The following FGF14 variants were observed in gnomAD, a reference collection of about 807,000 sequenced individuals.
FGF14 encodes the protein fibroblast growth factor homologous factor 4.
In FGF14, 5 loss-of-function variants were observed where a neutral mutation model predicts 25.5. The ratio of observed to expected loss-of-function variants is 0.20; its 90% CI spans 0.10 to 0.41. The LOEUF (loss-of-function observed/expected upper bound fraction) is 0.41. FGF14 is among the 10% of genes least tolerant of loss of function. The pLI is 1.00. For missense variants in FGF14, 222 were observed against 320.1 expected (o/e 0.69, Z 2.34); for synonymous variants, 138 against 118.3 (o/e 1.17, Z -1.08).
chr13:102,046,634 G>T (rs1213302814), intron 1 of FGF14, among the ~76,000 whole-genome samples: 1 of 152,122 alleles, frequency 6.6e-6, no homozygotes, highest in East Asian at 1.9e-4. Flanking sequence ...TTAACAAATT[G>T]TGAGTGCTGA....
At chr13:101,969,861 T>C (rs895522090) in intron 1 of FGF14, among the ~76,000 whole-genome samples, 4 of 152,200 alleles carry the variant, frequency 2.6e-5, no homozygotes, top group African/African-American at 4.8e-5. Context: ...AAACACCCCA[T>C]ATCTTGACAA....
chr13:101,759,425 G>A (rs894226503), intron 3 of FGF14, among the ~76,000 whole-genome samples: 4 of 152,206 alleles, frequency 2.6e-5, no homozygotes, highest in African/African-American at 9.6e-5. Context: ...GGTGGGGCCA[G>A]TGGTGCAGCC....
chr13:101,785,159 A>G (rs2039734171), intron 3 of FGF14, among the ~76,000 whole-genome samples: 1 of 152,182 alleles, frequency 6.6e-6, no homozygotes, highest in African/African-American at 2.4e-5. Context: ...TAATGCATAC[A>G]TGGATGTGAC....
intron 3 of FGF14, among the ~76,000 whole-genome samples, chr13:101,768,057 A>G (rs1457268087): frequency 6.6e-6 from 1 of 152,100 alleles, no homozygotes; most frequent in Non-Finnish European, 1.5e-5. Flanking sequence ...ATAAAAGCAA[A>G]ACATAAAAAT....
chr13:102,029,576 C>T (rs760515024), intron 1 of FGF14, among the ~76,000 whole-genome samples: 1 of 152,034 alleles, frequency 6.6e-6, no homozygotes, highest in Non-Finnish European at 1.5e-5. Flanking sequence ...ATCTCTACTG[C>T]CCATTACAGC....
intron 1 of FGF14, among the ~76,000 whole-genome samples, chr13:102,117,120 T>TG (rs2045508725): frequency 6.6e-6 from 1 of 152,216 alleles, no homozygotes; most frequent in East Asian, 1.9e-4. Flanking sequence ...GAGCTTCTTG[T>TG]CTGCTTTTCT....
At chr13:102,232,716 G>C (rs577196420) in intron 1 of FGF14, among the ~76,000 whole-genome samples, 12 of 152,246 alleles carry the variant, frequency 7.9e-5, no homozygotes, top group African/African-American at 2.9e-4. Flanking sequence ...GATGTAAATC[G>C]TTGTAGACTT....
At chr13:102,068,490 G>C (rs2042998412) in intron 1 of FGF14, among the ~76,000 whole-genome samples, 1 of 152,198 alleles carries the variant, frequency 6.6e-6, no homozygotes, top group Non-Finnish European at 1.5e-5. Context: ...GCGCGAGCGG[G>C]AACCAGGGCT....
At chr13:102,126,091 CA>C (rs958284846) in intron 1 of FGF14, among the ~76,000 whole-genome samples, 4 of 152,242 alleles carry the variant, frequency 2.6e-5, no homozygotes, top group African/African-American at 7.2e-5. Context: ...TCATCCCAAC[CA>C]TTATAAAGTA....
rs148483372 is a variant in FGF14 at position 102,016,012 on chromosome 13, G to T, written c.209-140716C>A. 4.7e-4 allele frequency among the ~76,000 whole-genome samples: 71 copies of T among 152,108 alleles called. No individual in the cohort carries two copies. The Middle Eastern group carries it at 0.014, about 29-fold the overall frequency. ...CACTATTATCAGTCTCTTAGGAAGA[G>T]AATTTTATGAATTTGGTATAATATC... On this transcript the variant is annotated intron_variant, in intron 1 of 4. Transcript: ENST00000376131.
intron 1 of FGF14, among the ~76,000 whole-genome samples, chr13:102,386,649 C>T (rs1163276532): frequency 6.6e-6 from 1 of 152,106 alleles, no homozygotes; most frequent in East Asian, 1.9e-4. Context: ...ACTGAATGAC[C>T]CTGACTTCCT....
intron 1 of FGF14, among the ~76,000 whole-genome samples, chr13:101,983,830 C>T (rs1222535589): frequency 6.6e-6 from 1 of 152,130 alleles, no homozygotes; most frequent in African/African-American, 2.4e-5. Flanking sequence ...ATGGATCCTG[C>T]CAACGTCTAC....
At chr13:102,170,027 AG>A (rs1010724647) in intron 1 of FGF14, among the ~76,000 whole-genome samples, 110 of 152,264 alleles carry the variant, frequency 7.2e-4, no homozygotes, top group African/African-American at 2.6e-3. Flanking sequence ...AGTTTGTGGC[AG>A]AAACAGTGAG....
chr13:102,281,811 C>T (rs562860489), intron 1 of FGF14, among the ~76,000 whole-genome samples: 1 of 151,590 alleles, frequency 6.6e-6, no homozygotes, highest in African/African-American at 2.4e-5. Flanking sequence ...CAAAAGCATA[C>T]ACTACATGTC....
At chr13:101,811,688 G>T (rs1246343411) in intron 3 of FGF14, among the ~76,000 whole-genome samples, 1 of 152,190 alleles carries the variant, frequency 6.6e-6, no homozygotes, top group Admixed American at 6.5e-5. Context: ...GAAAGAAACT[G>T]CCAAGTTGTC....
intron 3 of FGF14, among the ~76,000 whole-genome samples, chr13:101,857,905 A>G (rs2044210831): frequency 6.6e-6 from 1 of 152,046 alleles, no homozygotes; most frequent in Admixed American, 6.6e-5. Flanking sequence ...AATGAAAGTT[A>G]TCACTGAGGG....
chr13:102,401,426 A>T (rs952921935), intron 1 of FGF14: 1 of 1,564,234 alleles, frequency 6.4e-7, no homozygotes. Context: ...AGCAACAGAC[A>T]GGTTATTATG....
At position 101,721,759 on chromosome 13, in the gene FGF14, C is replaced by T. The variant is rs886049932; in HGVS notation, c.*1072G>A. On this transcript the variant is annotated 3_prime_UTR_variant, in exon 5 of 5. Transcript: ENST00000376143. ...AGTATGAGGGGAACGCAGCCAGAAA[C>T]GGGGATGGCGTTAAGTTTGGTTCAT... is the stretch of plus-strand genomic sequence containing the variant. The T allele has an allele frequency of 3.9e-5, 6 of 151,932 alleles. No individual in the cohort carries two copies. The South Asian group carries it at 8.3e-4, about 21-fold the overall frequency. The allele number at this position is 151,932 out of a possible 1,614,324, so 9.4% of individuals were successfully genotyped here.
chr13:101,947,862 A>G (rs971065757), intron 1 of FGF14, among the ~76,000 whole-genome samples: 1 of 152,234 alleles, frequency 6.6e-6, no homozygotes, highest in Non-Finnish European at 1.5e-5. Flanking sequence ...GTTGTTTCCA[A>G]AAATTAAAGC....
Sources: allele counts gnomAD v4.1 joint callset (sites outside exome capture counted in the v4.1 genomes callset), GRCh38; gene constraint gnomAD v4.1.1; transcripts MANE v1.5; gene names NCBI Gene and HGNC (gene_info 2026-07-23, HGNC 2026-07-21).